Variants in ATG5 observed in about 807,000 individuals in gnomAD.
ATG5 encodes autophagy related 5.
A neutral mutation model predicts 36.5 loss-of-function variants in ATG5; 14 were observed. The ratio of observed to expected loss-of-function variants is 0.38; its 90% confidence interval spans 0.25 to 0.60. The LOEUF is 0.60. ATG5 is among the 20% of genes least tolerant of loss of function. The pLI, the probability that ATG5 is intolerant of heterozygous loss-of-function variation, is 0.60. For synonymous variants in ATG5, 95 were observed against 101.5 expected (o/e 0.94, Z 0.38); for missense variants, 195 against 326.7 (o/e 0.60, Z 3.11).
chr6:106,193,971 A>G (rs1239615406), intron 7 of ATG5, among the ~76,000 whole-genome samples: 1 of 152,226 alleles, frequency 6.6e-6, no homozygotes, highest in Non-Finnish European at 1.5e-5. Context: ...GGGAACAGTC[A>G]GGTTAATTCA....
intron 3 of ATG5, among the ~76,000 whole-genome samples, chr6:106,296,923 GAAAA>G (rs1044858580): frequency 3.9e-5 from 6 of 152,146 alleles, no homozygotes; most frequent in Non-Finnish European, 8.8e-5. Flanking sequence ...CAATGGCAGA[GAAAA>G]AAACTGACAG....
At position 106,186,399 on chromosome 6, in the gene ATG5, G is replaced by A; in HGVS notation, c.*141C>T. 1 of 991,728 alleles carries A rather than the reference G, an allele frequency of 1.0e-6. No homozygotes were observed. The highest frequency in any genetic ancestry group is 1.5e-6 in the Non-Finnish European group (1 of 674,306). 61.4% of individuals were successfully genotyped at this position (991,728 alleles called of 1,614,324 possible). On this transcript the variant is annotated 3_prime_UTR_variant, in exon 8 of 8. Transcript: ENST00000369076. ...CCAGCCCAGTTGCCTTATCTGACAT[G>A]GAATCTTTTTCCTGTCTGGCTTGCA... is the stretch of plus-strand genomic sequence containing the variant.
chr6:106,188,714 A>T (rs1263509591), intron 7 of ATG5, among the ~76,000 whole-genome samples: 1 of 152,224 alleles, frequency 6.6e-6, no homozygotes, highest in Admixed American at 6.5e-5. Context: ...ACCCTGAATA[A>T]GTAGCACTGA....
chr6:106,258,382 A>AC (rs1778882699), intron 5 of ATG5, among the ~76,000 whole-genome samples: 1 of 152,150 alleles, frequency 6.6e-6, no homozygotes, highest in African/African-American at 2.4e-5. Flanking sequence ...AATAAAAAAA[A>AC]AAGGCTAGTC....
At chr6:106,225,011 G>A (rs756177536) in intron 6 of ATG5, among the ~76,000 whole-genome samples, 2 of 152,226 alleles carry the variant, frequency 1.3e-5, no homozygotes, top group African/African-American at 2.4e-5. Context: ...CATCATCATT[G>A]CTGTTAAAAT....
At chr6:106,204,425 T>C (rs1776554125) in intron 6 of ATG5, among the ~76,000 whole-genome samples, 1 of 152,200 alleles carries the variant, frequency 6.6e-6, no homozygotes, top group Non-Finnish European at 1.5e-5. Flanking sequence ...TTGAATATGA[T>C]TTAATTCACT....
chr6:106,257,084 A>C (rs1778830339), intron 5 of ATG5, among the ~76,000 whole-genome samples: 1 of 152,202 alleles, frequency 6.6e-6, no homozygotes, highest in Non-Finnish European at 1.5e-5. Flanking sequence ...ACACAAATAC[A>C]CACATTAGCC....
At chr6:106,255,611 C>T (rs115726532) in intron 5 of ATG5, among the ~76,000 whole-genome samples, 2,145 of 152,142 alleles carry the variant, frequency 0.014, 47 homozygotes, top group African/African-American at 0.049. Context: ...ATTCAATTAT[C>T]GTATTCTAAC....
intron 5 of ATG5, among the ~76,000 whole-genome samples, chr6:106,249,828 T>G (rs1778496086): frequency 6.6e-6 from 1 of 152,244 alleles, no homozygotes; most frequent in Non-Finnish European, 1.5e-5. Flanking sequence ...AGTATCTCAT[T>G]GTGGTTTTGA....
chr6:106,186,825 A>T, intron 7 of ATG5, 149 bp from the exon 8 acceptor site: 1 of 919,060 alleles, frequency 1.1e-6, no homozygotes, highest in East Asian at 2.6e-5. Flanking sequence ...GAGAAAGTTC[A>T]AATGTTGCAG....
chr6:106,222,759 C>T (rs894858499), intron 6 of ATG5, among the ~76,000 whole-genome samples: 2 of 152,148 alleles, frequency 1.3e-5, no homozygotes, highest in Non-Finnish European at 2.9e-5. Flanking sequence ...GGTAGGTAAC[C>T]CTGAGCAAGT....
chr6:106,316,809 C>G (rs1770870867), intron 1 of ATG5, among the ~76,000 whole-genome samples: 1 of 152,176 alleles, frequency 6.6e-6, no homozygotes, highest in South Asian at 2.1e-4. Flanking sequence ...TTCATCCTCT[C>G]TACAATTTAA....
intron 6 of ATG5, among the ~76,000 whole-genome samples, chr6:106,203,195 G>A (rs1776504133): frequency 6.6e-6 from 1 of 152,186 alleles, no homozygotes; most frequent in Non-Finnish European, 1.5e-5. Context: ...ACTGTTAGCA[G>A]CACTACATCG....
intron 5 of ATG5, among the ~76,000 whole-genome samples, chr6:106,276,994 T>C (rs1167164397): frequency 1.3e-5 from 2 of 152,220 alleles, no homozygotes; most frequent in East Asian, 3.9e-4. Flanking sequence ...GCCAGATGTA[T>C]AAATATGAAA....
chr6:106,276,284 GA>G (rs1562250871), intron 5 of ATG5, among the ~76,000 whole-genome samples: 1 of 152,080 alleles, frequency 6.6e-6, no homozygotes, highest in Non-Finnish European at 1.5e-5. Context: ...CTAACATGGT[GA>G]AACCCCGTCT....
At chr6:106,310,704 T>A (rs1770614094) in intron 2 of ATG5, among the ~76,000 whole-genome samples, 1 of 152,142 alleles carries the variant, frequency 6.6e-6, no homozygotes, top group African/African-American at 2.4e-5. Flanking sequence ...TAGCTCCCCA[T>A]TCCCTGCTTC....
intron 6 of ATG5, among the ~76,000 whole-genome samples, chr6:106,229,688 C>T (rs1486077561): frequency 2.6e-5 from 4 of 152,194 alleles, no homozygotes; most frequent in South Asian, 2.1e-4. Context: ...TAAACAAGGG[C>T]GTAGCCTGAA....
intron 2 of ATG5, among the ~76,000 whole-genome samples, chr6:106,313,733 A>G (rs2114675685): frequency 6.6e-6 from 1 of 152,174 alleles, no homozygotes; most frequent in African/African-American, 2.4e-5. Context: ...AATATTAAAA[A>G]TATGTTCAAG....
chr6:106,257,662 T>A (rs1204915122), intron 5 of ATG5, among the ~76,000 whole-genome samples: 1 of 152,230 alleles, frequency 6.6e-6, no homozygotes, highest in Non-Finnish European at 1.5e-5. Context: ...GTAATATTTA[T>A]CTAATTCTTG....
Sources: gnomAD v4.1 joint callset for allele counts (sites outside exome capture counted in the v4.1 genomes callset) on GRCh38, gnomAD v4.1.1 for gene constraint, MANE v1.5 for transcripts, NCBI Gene and HGNC (gene_info 2026-07-23, HGNC 2026-07-21) for gene names.